GBE1: variants seen among roughly 807,000 people sequenced by gnomAD.
GBE1 encodes 1,4-alpha-glucan branching enzyme 1.
In GBE1, 70 loss-of-function variants were observed where a neutral mutation model predicts 88.8. The ratio of observed to expected loss-of-function variants is 0.79; its 90% CI spans 0.65 to 0.96. The LOEUF (loss-of-function observed/expected upper bound fraction) is 0.96. Among genes scored for constraint, GBE1 ranks in the 40% least tolerant of loss-of-function variants. The pLI, the probability that GBE1 is intolerant of heterozygous loss-of-function variation, is 0.00. For missense variants in GBE1, 872 were observed against 871.0 expected (o/e 1.00, Z -0.01); for synonymous variants, 284 against 300.1 (o/e 0.95, Z 0.56).
chr3:81,566,203 T>G (rs1703493274), intron 12 of GBE1, among the ~76,000 whole-genome samples: 2 of 152,202 alleles, frequency 1.3e-5, no homozygotes, highest in Non-Finnish European at 2.9e-5. Flanking sequence ...TTTTACGACC[T>G]CTTAAAATTC....
intron 2 of GBE1, among the ~76,000 whole-genome samples, chr3:81,699,112 A>G (rs1425193790): frequency 6.6e-6 from 1 of 152,226 alleles, no homozygotes; most frequent in Admixed American, 6.5e-5. Flanking sequence ...AACAGTTTCT[A>G]GAATCCCAAG....
intron 3 of GBE1, among the ~76,000 whole-genome samples, chr3:81,662,712 A>C (rs898103673): frequency 6.6e-6 from 1 of 151,930 alleles, no homozygotes; most frequent in African/African-American, 2.4e-5. Context: ...ATGTTACTTT[A>C]AATGCCATTA....
intron 2 of GBE1, among the ~76,000 whole-genome samples, chr3:81,685,347 G>GT (rs986795958): frequency 2.6e-5 from 4 of 151,902 alleles, no homozygotes; most frequent in African/African-American, 9.7e-5. Context: ...TTTTGTTTTT[G>GT]TTTGTTTTTC....
chr3:81,646,366 T>C (rs748053925), intron 6 of GBE1, 26 bp downstream of exon 6: 3 of 1,381,752 alleles, frequency 2.2e-6, no homozygotes, highest in South Asian at 2.5e-5. Context: ...AAAATAAAAA[T>C]GAACACAATG....
At chr3:81,598,294 G>A (rs898628466) in intron 7 of GBE1, among the ~76,000 whole-genome samples, 1 of 151,706 alleles carries the variant, frequency 6.6e-6, no homozygotes, top group African/African-American at 2.4e-5. Context: ...AGGCTGAATG[G>A]GTATTAAACA....
At chr3:81,537,876 T>C (rs1243590301) in intron 12 of GBE1, among the ~76,000 whole-genome samples, 2 of 151,996 alleles carry the variant, frequency 1.3e-5, no homozygotes, top group African/African-American at 4.8e-5. Context: ...TCTCTCACTA[T>C]AATGATCAGA....
intron 2 of GBE1, among the ~76,000 whole-genome samples, chr3:81,700,881 C>T (rs1408541651): frequency 6.6e-6 from 1 of 152,046 alleles, no homozygotes; most frequent in African/African-American, 2.4e-5. Context: ...GCCTACCTCC[C>T]AGACTTAGTA....
chr3:81,617,801 T>G (rs1704270660), intron 7 of GBE1, among the ~76,000 whole-genome samples: 1 of 152,010 alleles, frequency 6.6e-6, no homozygotes, highest in Admixed American at 6.5e-5. Context: ...GTGTGAATTC[T>G]TCTTCAAATG....
chr3:81,750,576 C>T (rs57979591), intron 1 of GBE1, among the ~76,000 whole-genome samples: 17,306 of 45,136 alleles, frequency 0.38, 3,972 homozygotes, highest in East Asian at 0.76. Context: ...TATATATATA[C>T]GTATATATAT....
At chr3:81,602,906 C>T (rs1026086112) in intron 7 of GBE1, among the ~76,000 whole-genome samples, 1 of 152,136 alleles carries the variant, frequency 6.6e-6, no homozygotes, top group Admixed American at 6.5e-5. Context: ...ACTTCTCACT[C>T]GATACTCCTT....
Position 81,591,112 on chromosome 3 carries a change from T to A in GBE1, c.1161A>T (p.Glu387Asp). 2 of 1,608,564 alleles carry A rather than the reference T, an allele frequency of 1.2e-6. No homozygotes were observed. Among genetic ancestry groups the A allele is most frequent in the Non-Finnish European group, 1.7e-6 (2 of 1,176,900 alleles). The stretch of plus-strand genomic sequence containing the variant: ...CCAACATGAGGTAAGTCAAGGCATC[T>A]TCATCTACTTGTAGTCCGAAATATT... ...YSEYFGLQVD[E>D]DALTYLMLAN... Residue 387 changes from glutamate to aspartate, a missense_variant, in exon 9 of 16, where the codon GAA becomes GAT. Transcript: ENST00000429644.
chr3:81,718,845 G>C (rs1174724974), intron 1 of GBE1, among the ~76,000 whole-genome samples: 2 of 152,018 alleles, frequency 1.3e-5, no homozygotes, highest in Admixed American at 1.3e-4. Flanking sequence ...ACGTTGGTCA[G>C]GCTGGTCTCA....
rs946018603 is a variant in GBE1 at position 81,528,727 on chromosome 3, C to T, written c.1934+6468G>A. On this transcript the variant is annotated intron_variant, in intron 14 of 15. Coordinates refer to ENST00000429644, the MANE Select transcript of GBE1 (RefSeq NM_000158.4). ...TTGACCCTTTGTCATTATATAATGACCTTATTTGTCTCTTTTTATAAGTTT... is the reference window on the plus strand; with the variant it reads ...TTGACCCTTTGTCATTATATAATGATCTTATTTGTCTCTTTTTATAAGTTT... 1.3e-4 allele frequency among the ~76,000 whole-genome samples: 19 copies of T among 151,922 alleles called. 1 individual carries two copies. Among genetic ancestry groups the T allele is most frequent in the African/African-American group, 4.6e-4 (19 of 41,452 alleles).
chr3:81,581,571 C>G (rs1398646005), intron 10 of GBE1, among the ~76,000 whole-genome samples: 2 of 151,968 alleles, frequency 1.3e-5, no homozygotes, highest in Non-Finnish European at 2.9e-5. Flanking sequence ...TCTGTAATAA[C>G]TGCCACCTCT....
chr3:81,660,887 G>A (rs917973789), intron 3 of GBE1, among the ~76,000 whole-genome samples: 6 of 152,088 alleles, frequency 3.9e-5, no homozygotes, highest in African/African-American at 7.2e-5. Flanking sequence ...GGAGAAAAAG[G>A]TTATTTCCTG....
intron 2 of GBE1, among the ~76,000 whole-genome samples, chr3:81,694,361 AAGAAAGTAGGGGTCACTT>A (rs1192535852): frequency 2.6e-5 from 4 of 152,232 alleles, no homozygotes; most frequent in Non-Finnish European, 5.9e-5. Flanking sequence ...TAGCCATTTA[AAGAAAGTAGGGGTCACTT>A]AGAAGCAAAT....
intron 14 of GBE1, among the ~76,000 whole-genome samples, chr3:81,515,273 T>C (rs1432938717): frequency 6.6e-6 from 1 of 151,396 alleles, no homozygotes; most frequent in Non-Finnish European, 1.5e-5. Flanking sequence ...TATTTCAAAC[T>C]TTTTCATTAT....
chr3:81,642,664 CA>C, intron 7 of GBE1, 116 bp downstream of exon 7: 1 of 681,952 alleles, frequency 1.5e-6, no homozygotes, highest in Non-Finnish European at 2.5e-6. Flanking sequence ...AAAATAAATC[CA>C]ATTAAGAACA....
chr3:81,755,403 AC>A (rs1706588695), intron 1 of GBE1, among the ~76,000 whole-genome samples: 1 of 152,102 alleles, frequency 6.6e-6, no homozygotes, highest in South Asian at 2.1e-4. Flanking sequence ...GGAAAAAAAA[AC>A]AGTATAGAAG....
Sources: allele counts gnomAD v4.1 joint callset (sites outside exome capture counted in the v4.1 genomes callset), GRCh38; gene constraint gnomAD v4.1.1; transcripts MANE v1.5; gene names NCBI Gene and HGNC (gene_info 2026-07-23, HGNC 2026-07-21).